ASCC3: variants seen among roughly 807,000 people sequenced by gnomAD.
The protein encoded by ASCC3 is activating signal cointegrator 1 complex subunit 3, also known as ASC-1 complex subunit P200.
In ASCC3, 158 loss-of-function variants were observed where a neutral mutation model predicts 256.3. That is an observed-to-expected ratio of 0.62 (90% CI 0.54 to 0.70). The LOEUF (loss-of-function observed/expected upper bound fraction) is 0.70. Among genes scored for constraint, ASCC3 ranks in the 30% least tolerant of loss-of-function variants. The probability of loss-of-function intolerance (pLI) is 0.00; values close to 1 mark genes in which losing one functional copy is unlikely to be tolerated. For synonymous variants in ASCC3, 948 were observed against 883.4 expected (o/e 1.07, Z -1.30); for missense variants, 2,259 against 2,626.0 (o/e 0.86, Z 3.05).
At chr6:100,833,848 AG>A (rs1417846328) in intron 4 of ASCC3, among the ~76,000 whole-genome samples, 4 of 152,120 alleles carry the variant, frequency 2.6e-5, no homozygotes, top group Non-Finnish European at 5.9e-5. Context: ...TAGACCCAGG[AG>A]GGTGGATCAC....
At chr6:100,762,320 T>C (rs1781458942) in intron 10 of ASCC3, among the ~76,000 whole-genome samples, 1 of 152,184 alleles carries the variant, frequency 6.6e-6, no homozygotes, top group Admixed American at 6.5e-5. Flanking sequence ...TTTAACACAG[T>C]TACTGCCAGG....
At chr6:100,528,132 TG>T (rs1427352325) in intron 37 of ASCC3, among the ~76,000 whole-genome samples, 1 of 152,152 alleles carries the variant, frequency 6.6e-6, no homozygotes, top group Non-Finnish European at 1.5e-5. Context: ...ATACTGCACT[TG>T]GCCCATACAT....
intron 3 of ASCC3, chr6:100,856,390 CA>C: frequency 3.0e-6 from 3 of 984,040 alleles, no homozygotes; most frequent in Non-Finnish European, 3.6e-6. Context: ...CCATGATAGC[CA>C]AACCTTAAGC....
chr6:100,550,703 T>C (rs1769247761), intron 36 of ASCC3, among the ~76,000 whole-genome samples: 1 of 151,792 alleles, frequency 6.6e-6, no homozygotes, highest in Non-Finnish European at 1.5e-5. Flanking sequence ...GAATTTCAAC[T>C]CTGTTAGAAT....
intron 36 of ASCC3, among the ~76,000 whole-genome samples, chr6:100,577,141 G>T (rs115810371): frequency 6.6e-6 from 1 of 151,580 alleles, no homozygotes; most frequent in Admixed American, 6.6e-5. Flanking sequence ...TGATCCCTAC[G>T]TTGTAAAAAA....
At chr6:100,516,089 TG>T in intron 39 of ASCC3, 90 bp downstream of exon 39, 2 of 1,512,150 alleles carry the variant, frequency 1.3e-6, no homozygotes, top group Non-Finnish European at 1.8e-6. Flanking sequence ...AAGGTGAGCC[TG>T]GTTCCAAAAT....
chr6:100,535,670 T>A (rs1053816756), intron 37 of ASCC3, among the ~76,000 whole-genome samples: 7 of 151,974 alleles, frequency 4.6e-5, no homozygotes, highest in African/African-American at 1.7e-4. Context: ...GGTTTCACCA[T>A]CTTGGCCAGG....
At chr6:100,570,568 T>C (rs1770534810) in intron 36 of ASCC3, among the ~76,000 whole-genome samples, 1 of 152,140 alleles carries the variant, frequency 6.6e-6, no homozygotes, top group Non-Finnish European at 1.5e-5. Flanking sequence ...TTTTCTTTGT[T>C]GTCACACCTT....
At chr6:100,731,539 T>C (rs1275642920) in intron 10 of ASCC3, among the ~76,000 whole-genome samples, 2 of 152,252 alleles carry the variant, frequency 1.3e-5, no homozygotes, top group Non-Finnish European at 2.9e-5. Context: ...TAATGTCTCG[T>C]AGAGCAGGCG....
intron 10 of ASCC3, among the ~76,000 whole-genome samples, chr6:100,738,916 T>C (rs1306598765): frequency 1.3e-5 from 2 of 152,190 alleles, no homozygotes; most frequent in Non-Finnish European, 2.9e-5. Flanking sequence ...TCTCTTCCTA[T>C]ATGAATACCC....
chr6:100,875,001 A>C (rs1773929192), intron 1 of ASCC3, among the ~76,000 whole-genome samples: 1 of 152,242 alleles, frequency 6.6e-6, no homozygotes, highest in Non-Finnish European at 1.5e-5. Flanking sequence ...GTCTCAAATT[A>C]GGCACTTTTC....
At chr6:100,870,007 CAA>C (rs1773658516) in intron 1 of ASCC3, among the ~76,000 whole-genome samples, 1 of 152,038 alleles carries the variant, frequency 6.6e-6, no homozygotes, top group African/African-American at 2.4e-5. Flanking sequence ...CAAAATAAAA[CAA>C]ACAGACCTCA....
At chr6:100,524,327 A>G (rs1280104355) in intron 37 of ASCC3, among the ~76,000 whole-genome samples, 2 of 152,142 alleles carry the variant, frequency 1.3e-5, no homozygotes, top group African/African-American at 4.8e-5. Flanking sequence ...TTTTATCAAC[A>G]TATTTTTTGA....
intron 13 of ASCC3, among the ~76,000 whole-genome samples, chr6:100,700,001 A>G (rs1212640544): frequency 6.6e-6 from 1 of 152,168 alleles, no homozygotes; most frequent in Non-Finnish European, 1.5e-5. Flanking sequence ...AGAAAAGAAA[A>G]TCCCATTTTC....
Position 100,725,683 on chromosome 6 carries a change from T to C in ASCC3, c.1758A>G (p.Glu586=). 6.2e-7 allele frequency: 1 copy of C among 1,612,586 alleles called. No homozygotes were observed. The highest frequency in any genetic ancestry group is 1.7e-5 in the Admixed American group (1 of 59,868). Residue 586 remains glutamate, a synonymous_variant, in exon 11 of 42, where the codon GAA becomes GAG. Coordinates refer to ENST00000369162, the MANE Select transcript of ASCC3 (RefSeq NM_006828.4). ...LRTQMLVTTP[E]KWDVVTRKSV... ...TCTTTCTTGTCACTACATCCCATTT[T>C]TCTGGTGTGGTCACAAGCATCTATA...
chr6:100,530,350 C>A, intron 37 of ASCC3: 2 of 1,362,214 alleles, frequency 1.5e-6, no homozygotes, highest in South Asian at 2.3e-5. Context: ...GTGAAAAAAA[C>A]CGCAGTAAGT....
At chr6:100,751,637 T>C (rs1780947002) in intron 10 of ASCC3, among the ~76,000 whole-genome samples, 1 of 152,120 alleles carries the variant, frequency 6.6e-6, no homozygotes, top group Non-Finnish European at 1.5e-5. Flanking sequence ...TGTAAAAACA[T>C]TAATGTGTTT....
intron 8 of ASCC3, among the ~76,000 whole-genome samples, chr6:100,780,184 T>C (rs1198537850): frequency 6.6e-6 from 1 of 152,190 alleles, no homozygotes; most frequent in Non-Finnish European, 1.5e-5. Flanking sequence ...ATTGTAAAAT[T>C]AGTGTATGTT....
chr6:100,588,186 G>T (rs1223157435), intron 36 of ASCC3, among the ~76,000 whole-genome samples: 1 of 152,106 alleles, frequency 6.6e-6, no homozygotes, highest in Non-Finnish European at 1.5e-5. Flanking sequence ...CAAATAAGTG[G>T]TTGTTGTGAG....
Sources: allele counts gnomAD v4.1 joint callset (sites outside exome capture counted in the v4.1 genomes callset), GRCh38; gene constraint gnomAD v4.1.1; transcripts MANE v1.5; gene names NCBI Gene and HGNC (gene_info 2026-07-23, HGNC 2026-07-21).